FGFR2: variants seen among roughly 807,000 people sequenced by gnomAD.
FGFR2 encodes fibroblast growth factor receptor 2.
A neutral mutation model predicts 95.9 loss-of-function variants in FGFR2; 19 were observed. The observed-to-expected ratio is 0.20, with a 90% CI of 0.14 to 0.29. The LOEUF is 0.29. Ranked by LOEUF, FGFR2 falls within the 10% of genes least tolerant of loss-of-function variation. FGFR2 has a pLI of 1.00. For missense variants in FGFR2, 707 were observed against 1,056.9 expected, an observed-to-expected ratio of 0.67 and a Z score of 4.59; for synonymous variants, 392 against 393.3, an observed-to-expected ratio of 1.00 and a Z score of 0.04.
At chr10:121,501,072 A>T in intron 10 of FGFR2, 125 bp from the exon 11 acceptor site, 2 of 1,334,166 alleles carry the variant, frequency 1.5e-6, no homozygotes, top group Non-Finnish European at 2.1e-6. Context: ...ATCATATGGA[A>T]CTAATGAGAC....
chr10:121,513,414 A>C lies in FGFR2; in HGVS notation c.1287+1703T>G, dbSNP rs558848509. Among the ~76,000 whole-genome samples the C allele has an allele frequency of 9.2e-5, 14 of 152,324 alleles. No homozygotes were observed. The East Asian group carries it at 1.4e-3, about 15-fold the overall frequency. ...AAAACACGATGACTGTGGCTGAGTC[A>C]GGGGGATTTTAAGGGCATCTTACCC... On this transcript the variant is annotated intron_variant, in intron 9 of 17. Transcript: ENST00000358487.
chr10:121,504,354 AT>A (rs1848007744), intron 9 of FGFR2, among the ~76,000 whole-genome samples: 1 of 152,234 alleles, frequency 6.6e-6, no homozygotes, highest in African/African-American at 2.4e-5. Context: ...TCATGGATCA[AT>A]GCTGTGCTTA....
intron 5 of FGFR2, among the ~76,000 whole-genome samples, chr10:121,541,955 A>C (rs975024084): frequency 6.6e-6 from 1 of 152,226 alleles, no homozygotes; most frequent in Non-Finnish European, 1.5e-5. Context: ...AAGGCACATG[A>C]ACAAAACTGC....
chr10:121,506,841 G>C (rs1380405354), intron 9 of FGFR2, among the ~76,000 whole-genome samples: 1 of 152,154 alleles, frequency 6.6e-6, no homozygotes, highest in African/African-American at 2.4e-5. Flanking sequence ...AGACCATTTG[G>C]ATTTTATGAC....
chr10:121,569,737 C>G (rs1858296410), intron 2 of FGFR2, among the ~76,000 whole-genome samples: 2 of 152,214 alleles, frequency 1.3e-5, no homozygotes, highest in Non-Finnish European at 2.9e-5. Context: ...ATCAAGCCAT[C>G]CTGTCTTCAA....
chr10:121,585,085 A>G (rs563822936), intron 2 of FGFR2, among the ~76,000 whole-genome samples: 188 of 152,352 alleles, frequency 1.2e-3, no homozygotes, highest in Non-Finnish European at 2.4e-3. Flanking sequence ...TCTTTTGCCA[A>G]AATACATTGT....
intron 4 of FGFR2, 30 bp downstream of exon 4, chr10:121,564,472 G>A (rs777333171): frequency 2.2e-5 from 35 of 1,597,284 alleles, no homozygotes; most frequent in East Asian, 2.0e-4. Context: ...CTCCTCTCTC[G>A]GGGACCATCG....
rs1222210635 is a variant in FGFR2 at position 121,500,965 on chromosome 10, G to A, written c.1440-18C>T. 6.2e-7 allele frequency: 1 copy of A among 1,613,368 alleles called. No individual in the cohort carries two copies. The highest frequency in any genetic ancestry group is 1.3e-5 in the African/African-American group (1 of 75,036). Reference sequence around the variant, plus strand: ...GTGTCAGCCTAAATGTGTAAATAGGGGATTAGCACATAGCATCTGGTGATG... The same window carrying A: ...GTGTCAGCCTAAATGTGTAAATAGGAGATTAGCACATAGCATCTGGTGATG... On this transcript the variant is annotated intron_variant, in intron 10 of 17. Transcript: ENST00000358487.
chr10:121,492,398 TCA>T (rs983379548), intron 13 of FGFR2, among the ~76,000 whole-genome samples: 1 of 151,664 alleles, frequency 6.6e-6, no homozygotes, highest in African/African-American at 2.4e-5. Context: ...ACCCCAACAC[TCA>T]CACACTCACG....
At chr10:121,543,425 G>C (rs962746887) in intron 5 of FGFR2, among the ~76,000 whole-genome samples, 1 of 152,136 alleles carries the variant, frequency 6.6e-6, no homozygotes, top group African/African-American at 2.4e-5. Context: ...CAAGAGAATC[G>C]CTTGAACCCG....
In FGFR2 at chr10:121,517,551, G is replaced by C. The variant is rs1188470121; in HGVS notation, c.940-88C>G. On this transcript the variant is annotated intron_variant, in intron 7 of 17. Transcript: ENST00000358487. This position sits in a 1 kb window ranked among gnomAD's most constrained non-coding sequence, Gnocchi z 4.7. ...GTGGAACCACAAGGCGTCGCACCGG[G>C]GGCTTCAGGGGGTGCTGGCCACTGG... 8.0e-6 allele frequency: 12 copies of C among 1,499,456 alleles called. No homozygotes were observed. Among genetic ancestry groups the C allele is most frequent in the Non-Finnish European group, 1.1e-5 (12 of 1,085,224 alleles). The allele number at this position is 1,499,456 out of a possible 1,614,324, so 92.9% of individuals were successfully genotyped here.
intron 6 of FGFR2, among the ~76,000 whole-genome samples, chr10:121,524,588 C>A (rs1851072907): frequency 6.6e-6 from 1 of 152,208 alleles, no homozygotes; most frequent in Non-Finnish European, 1.5e-5. Flanking sequence ...CTCTCGAACC[C>A]TTCAGCGATC....
intron 4 of FGFR2, among the ~76,000 whole-genome samples, chr10:121,559,634 C>A (rs968075199): frequency 1.3e-5 from 2 of 152,236 alleles, no homozygotes; most frequent in African/African-American, 4.8e-5. Flanking sequence ...ACAGCTAACA[C>A]TAGCCCTTAA....
chr10:121,524,424 A>T lies in FGFR2; in HGVS notation c.749-4255T>A, dbSNP rs576777177. Among the ~76,000 whole-genome samples the T allele has an allele frequency of 4.0e-4, 61 of 152,294 alleles. 1 individual carries two copies. In the South Asian group the frequency reaches 0.012, roughly 29 times the overall value. ...AGAGAATGTTATTTAAAATGTTTTT[A>T]AAAAGTCAGTAGGTCTCATGTTTCA... On this transcript the variant is annotated intron_variant, in intron 6 of 17. Coordinates refer to ENST00000358487, the MANE Select transcript of FGFR2 (RefSeq NM_000141.5).
At chr10:121,484,135 G>C (rs1300904436) in intron 16 of FGFR2, among the ~76,000 whole-genome samples, 1 of 151,764 alleles carries the variant, frequency 6.6e-6, no homozygotes, top group Non-Finnish European at 1.5e-5. Context: ...AGGAAAATGC[G>C]TATTTCCATG....
At chr10:121,527,411 A>C (rs1203819473) in intron 6 of FGFR2, among the ~76,000 whole-genome samples, 1 of 152,176 alleles carries the variant, frequency 6.6e-6, no homozygotes, top group East Asian at 1.9e-4. Flanking sequence ...TATTATGCCA[A>C]ATTTACGTTC....
At chr10:121,528,340 C>T (rs1413386396) in intron 6 of FGFR2, among the ~76,000 whole-genome samples, 1 of 152,128 alleles carries the variant, frequency 6.6e-6, no homozygotes, top group Non-Finnish European at 1.5e-5. Context: ...ATCTGCACAA[C>T]AATCATATTG....
intron 2 of FGFR2, among the ~76,000 whole-genome samples, chr10:121,581,337 C>T (rs1860829748): frequency 6.6e-6 from 1 of 152,172 alleles, no homozygotes; most frequent in South Asian, 2.1e-4. Context: ...AAAATCACCT[C>T]ACTGGACAAG....
intron 5 of FGFR2, among the ~76,000 whole-genome samples, chr10:121,539,568 C>A (rs371869502): frequency 5.9e-5 from 9 of 152,298 alleles, no homozygotes; most frequent in African/African-American, 2.2e-4. Context: ...TTCCTTACCA[C>A]AAAATGCAAC....
Sources: allele counts gnomAD v4.1 joint callset (sites outside exome capture counted in the v4.1 genomes callset), GRCh38; gene constraint gnomAD v4.1.1; non-coding constraint Gnocchi (gnomAD v3.1); transcripts MANE v1.5; gene names NCBI Gene and HGNC (gene_info 2026-07-23, HGNC 2026-07-21).